SCOC: variants seen among roughly 807,000 people sequenced by gnomAD.
SCOC encodes short coiled-coil protein.
Under a neutral mutation model 9.9 loss-of-function variants are expected in SCOC, and 7 were observed. The observed-to-expected ratio is 0.71, with a 90% CI of 0.40 to 1.33. The LOEUF is 1.33. Ranked by LOEUF, SCOC falls within the 40% of genes most tolerant of loss-of-function variation. The pLI is 0.01. For synonymous variants in SCOC, 19 were observed against 28.2 expected, an observed-to-expected ratio of 0.67 and a Z score of 1.03; for missense variants, 66 against 89.7, an observed-to-expected ratio of 0.74 and a Z score of 1.07.
chr4:140,282,556 T>G (rs755486579), intron 1 of SCOC, among the ~76,000 whole-genome samples: 13 of 152,218 alleles, frequency 8.5e-5, no homozygotes, highest in Admixed American at 2.0e-4. Context: ...TCCTATTGTT[T>G]TATTAGACAG....
At chr4:140,306,087 T>C (rs991453391) in intron 1 of SCOC, among the ~76,000 whole-genome samples, 2 of 152,116 alleles carry the variant, frequency 1.3e-5, no homozygotes, top group African/African-American at 4.8e-5. Context: ...GGCTGGGTAG[T>C]TTATAAAGGA....
intron 1 of SCOC, among the ~76,000 whole-genome samples, chr4:140,301,923 C>G (rs191913079): frequency 6.6e-6 from 1 of 152,280 alleles, no homozygotes; most frequent in East Asian, 1.9e-4. Flanking sequence ...CCTTGCCCTC[C>G]CAGGCTCAAG....
At chr4:140,272,119 T>A (rs1325224124) in intron 1 of SCOC, among the ~76,000 whole-genome samples, 1 of 151,204 alleles carries the variant, frequency 6.6e-6, no homozygotes, top group East Asian at 1.9e-4. Context: ...TACAGTGGTG[T>A]GATCATGGCT....
At chr4:140,293,623 C>CAG (rs1416545800) in intron 1 of SCOC, among the ~76,000 whole-genome samples, 11 of 152,210 alleles carry the variant, frequency 7.2e-5, no homozygotes, top group African/African-American at 2.4e-4. Flanking sequence ...TAGAGAATTC[C>CAG]ACGCCAGGCA....
chr4:140,379,221 C>T (rs763576958), intron 2 of SCOC, 29 bp downstream of exon 2: 15 of 1,441,818 alleles, frequency 1.0e-5, no homozygotes, highest in East Asian at 2.3e-5. Flanking sequence ...TTTTTGTATA[C>T]TCCTGGTTTT....
At chr4:140,293,869 C>A (rs929765208) in intron 1 of SCOC, among the ~76,000 whole-genome samples, 2 of 152,114 alleles carry the variant, frequency 1.3e-5, no homozygotes, top group Admixed American at 1.3e-4. Flanking sequence ...TAAAGCAGAG[C>A]CAGTGACTGG....
rs1186227137 is a variant in SCOC, at chr4:140,385,372, T to C, written c.*4268T>C. ...GTATTAAAGTAGGATAAAGAAAGAC[T>C]ACATATGTACATAAAACCTTGCCGG... On this transcript the variant is annotated 3_prime_UTR_variant, in exon 4 of 4. Coordinates refer to ENST00000608372, the MANE Select transcript of SCOC (RefSeq NM_001153484.2). The C allele has an allele frequency of 1.3e-5, 2 of 152,224 alleles. No individual in the cohort carries two copies. The highest frequency in any genetic ancestry group is 4.8e-5 in the African/African-American group (2 of 41,458). The allele number at this position is 152,224 out of a possible 1,614,324, so 9.4% of individuals were successfully genotyped here.
chr4:140,362,275 T>TTCTTCTTCTTCTTCTTCTTCTTC (rs1553941067), intron 2 of SCOC, among the ~76,000 whole-genome samples: 1 of 10,698 alleles, frequency 9.3e-5, no homozygotes, highest in East Asian at 2.4e-3. Context: ...AGGTGTGTCC[T>TTCTTCTTCTTCTTCTTCTTCTTC]TACTTCTTCT....
intron 1 of SCOC, among the ~76,000 whole-genome samples, chr4:140,265,192 G>A (rs1730707908): frequency 6.6e-6 from 1 of 152,136 alleles, no homozygotes; most frequent in Non-Finnish European, 1.5e-5. Context: ...TAAAAAGGAG[G>A]TTTAGCTGTG....
At chr4:140,322,988 A>T (rs1732544680) in intron 1 of SCOC, among the ~76,000 whole-genome samples, 1 of 152,206 alleles carries the variant, frequency 6.6e-6, no homozygotes, top group African/African-American at 2.4e-5. Flanking sequence ...GAAATAATAT[A>T]GAACATAAAT....
exon 2 of SCOC, chr4:140,343,626 A>C: frequency 6.2e-7 from 1 of 1,611,716 alleles, no homozygotes. Context: ...AACAGGTCTG[A>C]AAATTGAACA....
chr4:140,360,649 C>T (rs748202973), intron 2 of SCOC: 1 of 152,166 alleles, frequency 6.6e-6, no homozygotes, highest in Non-Finnish European at 1.5e-5. Flanking sequence ...GACATGTCAG[C>T]TTTTTTATGA....
chr4:140,286,750 G>A (rs78180498), intron 1 of SCOC, among the ~76,000 whole-genome samples: 142 of 152,316 alleles, frequency 9.3e-4, no homozygotes, highest in African/African-American at 3.0e-3. Context: ...TGCGGGAGGC[G>A]GGGCGCTGGA....
At chr4:140,363,338 T>C (rs1267339604) in intron 2 of SCOC, among the ~76,000 whole-genome samples, 3 of 152,224 alleles carry the variant, frequency 2.0e-5, no homozygotes, top group African/African-American at 2.4e-5. Flanking sequence ...ATGAGTCCAC[T>C]TGTATGCATT....
intron 2 of SCOC, chr4:140,366,886 G>T: frequency 2.8e-6 from 2 of 707,964 alleles, no homozygotes; most frequent in South Asian, 3.1e-5. Context: ...CAAGAAGGAA[G>T]AAGGCCAGGT....
chr4:140,341,529 T>A (rs115893768), upstream of SCOC, among the ~76,000 whole-genome samples: 512 of 152,332 alleles, frequency 3.4e-3, 6 homozygotes, highest in African/African-American at 0.012. Flanking sequence ...GCCTAGCACA[T>A]AGTAGGCATT....
intron 1 of SCOC, among the ~76,000 whole-genome samples, chr4:140,305,798 G>A (rs1036572619): frequency 6.6e-6 from 1 of 152,190 alleles, no homozygotes; most frequent in African/African-American, 2.4e-5. Flanking sequence ...ATTCCATGAT[G>A]TAAAGCCAGA....
intron 2 of SCOC, chr4:140,362,689 T>G (rs1727623312): frequency 6.6e-6 from 1 of 152,088 alleles, no homozygotes; most frequent in East Asian, 1.9e-4. Context: ...TTTAAAAATA[T>G]TTCTATTAAT....
intron 2 of SCOC, among the ~76,000 whole-genome samples, chr4:140,346,201 G>A (rs184787669): frequency 6.6e-6 from 1 of 152,266 alleles, no homozygotes; most frequent in East Asian, 1.9e-4. Context: ...GATTGTTGGA[G>A]CTGGATACCA....
Sources: allele counts gnomAD v4.1 joint callset (sites outside exome capture counted in the v4.1 genomes callset), GRCh38; gene constraint gnomAD v4.1.1; transcripts MANE v1.5; gene names NCBI Gene and HGNC (gene_info 2026-07-23, HGNC 2026-07-21).